Variants in RORA observed in about 807,000 individuals in gnomAD.
RORA encodes the protein nuclear receptor ROR-alpha.
In RORA, 7 loss-of-function variants were observed where a neutral mutation model predicts 69.5. That is an observed-to-expected ratio of 0.10 (90% CI 0.06 to 0.19). The LOEUF is 0.19. Ranked by LOEUF, RORA falls within the 10% of genes least tolerant of loss-of-function variation. RORA has a pLI of 1.00. For missense variants in RORA, 457 were observed against 663.0 expected (o/e 0.69, Z 3.41); for synonymous variants, 261 against 240.8 (o/e 1.08, Z -0.78).
intron 1 of RORA, among the ~76,000 whole-genome samples, chr15:60,777,210 A>G (rs1321327283): frequency 6.6e-6 from 1 of 152,236 alleles, no homozygotes; most frequent in Admixed American, 6.5e-5. Context: ...CTTCTCTAAC[A>G]AAGTATATTC....
intron 1 of RORA, among the ~76,000 whole-genome samples, chr15:60,864,396 T>A (rs1190802306): frequency 6.6e-6 from 1 of 152,212 alleles, no homozygotes; most frequent in Non-Finnish European, 1.5e-5. Context: ...TTGAAAAATG[T>A]TATTTTATTG....
At chr15:61,097,419 G>A (rs1185835636) in intron 1 of RORA, among the ~76,000 whole-genome samples, 1 of 152,074 alleles carries the variant, frequency 6.6e-6, no homozygotes, top group Non-Finnish European at 1.5e-5. Flanking sequence ...TCTGACCTCA[G>A]TTCTGTCATC....
chr15:60,692,301 ATTAC>A (rs1380599029), intron 1 of RORA, among the ~76,000 whole-genome samples: 1 of 152,180 alleles, frequency 6.6e-6, no homozygotes, highest in Non-Finnish European at 1.5e-5. Flanking sequence ...TATTATTATT[ATTAC>A]TTAATCTGTG....
intron 1 of RORA, among the ~76,000 whole-genome samples, chr15:61,058,204 C>T (rs1180689343): frequency 6.6e-6 from 1 of 152,012 alleles, no homozygotes; most frequent in African/African-American, 2.4e-5. Flanking sequence ...GGAAAAAGCA[C>T]TAGTAGAAAG....
chr15:61,152,162 G>A (rs2079403572), intron 1 of RORA, among the ~76,000 whole-genome samples: 1 of 152,138 alleles, frequency 6.6e-6, no homozygotes, highest in Non-Finnish European at 1.5e-5. Context: ...TGGCAGGAAA[G>A]CAAATGTTAT....
intron 1 of RORA, among the ~76,000 whole-genome samples, chr15:60,955,857 C>G (rs1893253950): frequency 6.6e-6 from 1 of 152,140 alleles, no homozygotes; most frequent in Non-Finnish European, 1.5e-5. Flanking sequence ...TTTGTGTATT[C>G]CACTGAGAAA....
chr15:61,170,331 C>T (rs182873182), intron 1 of RORA, among the ~76,000 whole-genome samples: 29 of 152,326 alleles, frequency 1.9e-4, no homozygotes, highest in Admixed American at 7.2e-4. Context: ...TCTCTTTGCC[C>T]TTTCTTCCAC....
chr15:61,115,793 A>T (rs2079045360), intron 1 of RORA, among the ~76,000 whole-genome samples: 1 of 152,196 alleles, frequency 6.6e-6, no homozygotes, highest in African/African-American at 2.4e-5. Context: ...TAATTATTCT[A>T]CAAGGAGGTC....
chr15:61,141,388 G>A (rs2079297200), intron 1 of RORA, among the ~76,000 whole-genome samples: 1 of 152,120 alleles, frequency 6.6e-6, no homozygotes, highest in Admixed American at 6.5e-5. Context: ...GTAATCTTCT[G>A]CCCTGTTATA....
At chr15:60,947,685 C>CAAAAA (rs1308601903) in intron 1 of RORA, among the ~76,000 whole-genome samples, 1 of 6,826 alleles carries the variant, frequency 1.5e-4, no homozygotes, top group African/African-American at 6.2e-4. Context: ...CAAGAATGAT[C>CAAAAA]AATAAAAAAA....
At chr15:60,943,528 A>C (rs58413143) in intron 1 of RORA, among the ~76,000 whole-genome samples, 39,713 of 151,954 alleles carry the variant, frequency 0.26, 5,629 homozygotes, top group Middle Eastern at 0.36. Context: ...ACTAATGAGC[A>C]TAAGACAGAA....
intron 1 of RORA, among the ~76,000 whole-genome samples, chr15:61,088,044 A>G (rs186438321): frequency 2.4e-4 from 37 of 152,348 alleles, no homozygotes; most frequent in Admixed American, 1.1e-3. Context: ...ACTTGGTTCA[A>G]TTCGGATCTA....
Position 60,720,562 on chromosome 15 carries a change from G to A in RORA, c.167-41876C>T, listed in dbSNP as rs142865171. Reference sequence around the variant, plus strand: ...AACTCAGTATTTGTGTGTAAATAAGGACGTGTTGTGGTATTCTGGGTGCTG... The same window carrying A: ...AACTCAGTATTTGTGTGTAAATAAGAACGTGTTGTGGTATTCTGGGTGCTG... On this transcript the variant is annotated intron_variant, in intron 1 of 10. Transcript: ENST00000335670. Among the ~76,000 whole-genome samples, 95 of 152,224 alleles carry A rather than the reference G, an allele frequency of 6.2e-4. No individual in the cohort carries two copies. The East Asian group carries it at 0.014, about 22-fold the overall frequency.
At chr15:60,695,988 A>G (rs539829148) in intron 1 of RORA, among the ~76,000 whole-genome samples, 96 of 152,226 alleles carry the variant, frequency 6.3e-4, no homozygotes, top group Non-Finnish European at 1.2e-3. Context: ...GGCGCTTCAA[A>G]GAACTCCTAC....
At chr15:60,561,071 G>GTTTTTTTTTTTTTTTTT (rs1327292946) in intron 2 of RORA, among the ~76,000 whole-genome samples, 1 of 110,494 alleles carries the variant, frequency 9.1e-6, no homozygotes, top group African/African-American at 4.7e-5. Context: ...TTTTTTTTTT[G>GTTTTTTTTTTTTTTTTT]TTTTGTTTTT....
rs539621218 is a variant in RORA, at chr15:61,027,072, T to A, written c.166+201981A>T. ...ACAGCATTTATCATTGTAACTGAGCTGTATTTGGTTGAATTATAAAAGCCT... is the reference window on the plus strand; with the variant it reads ...ACAGCATTTATCATTGTAACTGAGCAGTATTTGGTTGAATTATAAAAGCCT... On this transcript the variant is annotated intron_variant, in intron 1 of 10. Transcript: ENST00000335670. Among the ~76,000 whole-genome samples the A allele has an allele frequency of 3.3e-5, 5 of 152,208 alleles. No homozygotes were observed. The East Asian group carries it at 7.7e-4, about 24-fold the overall frequency.
chr15:61,192,755 A>G (rs2079812119), intron 1 of RORA, among the ~76,000 whole-genome samples: 1 of 152,192 alleles, frequency 6.6e-6, no homozygotes, highest in South Asian at 2.1e-4. Flanking sequence ...TTTGTTTCCT[A>G]GAGACTTGAG....
rs188033610 is a variant in RORA at position 60,991,859 on chromosome 15, C to T, written c.166+237194G>A. Among the ~76,000 whole-genome samples, 644 of 152,068 alleles carry T rather than the reference C, an allele frequency of 4.2e-3. 8 individuals carry two copies. The highest frequency in any genetic ancestry group is 0.015 in the African/African-American group (616 of 41,456). On this transcript the variant is annotated intron_variant, in intron 1 of 10. Transcript: ENST00000335670. ...AGGTCAAGGCTATAGCAAGCCATGA[C>T]AGCATCCCTGTACTCCAGCCTGCGT... is the stretch of plus-strand genomic sequence containing the variant.
At chr15:60,976,732 C>T (rs542149715) in intron 1 of RORA, among the ~76,000 whole-genome samples, 14 of 152,196 alleles carry the variant, frequency 9.2e-5, no homozygotes, top group Admixed American at 4.6e-4. Flanking sequence ...TCCCTATCTC[C>T]CCCACCACAC....
Sources: allele counts gnomAD v4.1 joint callset (sites outside exome capture counted in the v4.1 genomes callset), GRCh38; gene constraint gnomAD v4.1.1; transcripts MANE v1.5; gene names NCBI Gene and HGNC (gene_info 2026-07-23, HGNC 2026-07-21).